The following PCCA variants were observed in gnomAD, a reference collection of about 807,000 sequenced individuals.
PCCA encodes propionyl-CoA carboxylase alpha chain, mitochondrial.
A neutral mutation model predicts 101.3 loss-of-function variants in PCCA; 74 were observed. The observed-to-expected ratio is 0.73, with a 90% CI of 0.61 to 0.89. The LOEUF (loss-of-function observed/expected upper bound fraction) is 0.89, where lower values mean the gene tolerates loss of function less well. PCCA is among the 40% of genes least tolerant of loss of function. The pLI, the probability that PCCA is intolerant of heterozygous loss-of-function variation, is 0.00. For missense variants in PCCA, 891 were observed against 907.0 expected (o/e 0.98, Z 0.23); for synonymous variants, 294 against 313.6 (o/e 0.94, Z 0.66).
intron 18 of PCCA, among the ~76,000 whole-genome samples, chr13:100,344,702 T>G (rs933940900): frequency 6.6e-6 from 1 of 152,220 alleles, no homozygotes; most frequent in African/African-American, 2.4e-5. Context: ...TTAGAGACTG[T>G]CATACAGGCA....
intron 14 of PCCA, among the ~76,000 whole-genome samples, chr13:100,306,446 A>T (rs1337135980): frequency 6.6e-6 from 1 of 152,210 alleles, no homozygotes; most frequent in African/African-American, 2.4e-5. Flanking sequence ...GTAACTGCTC[A>T]TTTTTAAAGT....
intron 18 of PCCA, among the ~76,000 whole-genome samples, chr13:100,346,212 A>G (rs1329946229): frequency 6.6e-6 from 1 of 152,214 alleles, no homozygotes; most frequent in Non-Finnish European, 1.5e-5. Flanking sequence ...CCTATGATGG[A>G]TCTGGACAAA....
At chr13:100,523,967 C>T (rs994036030) in intron 22 of PCCA, among the ~76,000 whole-genome samples, 2 of 152,230 alleles carry the variant, frequency 1.3e-5, no homozygotes, top group Non-Finnish European at 2.9e-5. Context: ...GGTGGAGGGC[C>T]CTCTCTGTGC....
intron 7 of PCCA, among the ~76,000 whole-genome samples, chr13:100,232,391 T>TGTGG (rs1490661189): frequency 1.0e-4 from 15 of 148,968 alleles, no homozygotes; most frequent in African/African-American, 3.8e-4. Context: ...TGTGTGTGTG[T>TGTGG]GGTTTTAGAG....
chr13:100,400,630 C>CTTTTTTTTTTTTTTTTTTTTTTTTTTTTT (rs1281449669), intron 19 of PCCA, among the ~76,000 whole-genome samples: 10 of 90,968 alleles, frequency 1.1e-4, no homozygotes, highest in African/African-American at 2.1e-4. Flanking sequence ...CTTTTTAGTT[C>CTTTTTTTTTTTTTTTTTTTTTTTTTTTTT]TTTTTTTTTT....
At position 100,366,758 on chromosome 13, in the gene PCCA, C is replaced by T. The variant is rs532459949; in HGVS notation, c.1644-1714C>T. Among the ~76,000 whole-genome samples, 24 of 152,222 alleles carry T rather than the reference C, an allele frequency of 1.6e-4. No homozygotes were observed. In the East Asian group the frequency reaches 4.6e-3, roughly 29 times the overall value. On this transcript the variant is annotated intron_variant, in intron 18 of 23. Transcript: ENST00000376285. ...ACACTGCCAGAAAGAATCGTCAAGG[C>T]CTGTGTGTACAGTGTGCATTATTGT...
At chr13:100,185,332 C>G (rs1209192483) in intron 6 of PCCA, among the ~76,000 whole-genome samples, 2 of 151,718 alleles carry the variant, frequency 1.3e-5, no homozygotes, top group African/African-American at 4.8e-5. Context: ...CTCTTTTTAT[C>G]TTTTCTTTCT....
intron 2 of PCCA, 130 bp downstream of exon 2, chr13:100,103,090 T>C: frequency 2.9e-6 from 2 of 685,794 alleles, no homozygotes; most frequent in Admixed American, 2.1e-5. Flanking sequence ...CACTCTAGCA[T>C]TGTGTGTTTC....
At chr13:100,474,847 G>C (rs1421645676) in intron 21 of PCCA, among the ~76,000 whole-genome samples, 1 of 152,106 alleles carries the variant, frequency 6.6e-6, no homozygotes, top group Non-Finnish European at 1.5e-5. Context: ...TCAAATATCT[G>C]CCTCTAAGGA....
intron 18 of PCCA, among the ~76,000 whole-genome samples, chr13:100,344,337 G>T (rs1420992676): frequency 6.6e-6 from 1 of 152,170 alleles, no homozygotes; most frequent in African/African-American, 2.4e-5. Flanking sequence ...GCTTTGAAAA[G>T]AAAATATGAG....
chr13:100,369,196 C>T (rs1266974908), intron 19 of PCCA, among the ~76,000 whole-genome samples: 1 of 152,034 alleles, frequency 6.6e-6, no homozygotes, highest in Admixed American at 6.6e-5. Flanking sequence ...TGTTTTAAGT[C>T]GTATGCCTTC....
intron 6 of PCCA, among the ~76,000 whole-genome samples, chr13:100,188,887 C>CTT (rs1277668876): frequency 1.4e-5 from 2 of 147,590 alleles, no homozygotes; most frequent in Admixed American, 6.8e-5. Flanking sequence ...CCTTAGCCCA[C>CTT]TTTTTTTTTT....
Position 100,094,353 on chromosome 13 carries a change from T to C in PCCA, c.105+5128T>C, listed in dbSNP as rs147960123. Among the ~76,000 whole-genome samples the C allele has an allele frequency of 4.4e-3, 669 of 152,228 alleles. 5 individuals are homozygous for C. The highest frequency in any genetic ancestry group is 0.015 in the African/African-American group (639 of 41,530). On this transcript the variant is annotated intron_variant, in intron 1 of 23. Coordinates refer to ENST00000376285, the MANE Select transcript of PCCA (RefSeq NM_000282.4). Reference sequence around the variant, plus strand: ...AAAAATACTGCTTTTGACAACACTCTTGAATAGTTGAAGCAAAATTATATT... The same window carrying C: ...AAAAATACTGCTTTTGACAACACTCCTGAATAGTTGAAGCAAAATTATATT...
At chr13:100,217,038 G>A (rs1352833933) in intron 7 of PCCA, among the ~76,000 whole-genome samples, 3 of 152,054 alleles carry the variant, frequency 2.0e-5, no homozygotes, top group Admixed American at 6.6e-5. Flanking sequence ...GAACCTGGGA[G>A]GTGGAGGTTG....
chr13:100,491,260 T>C (rs2084886316), intron 21 of PCCA: 1 of 169,874 alleles, frequency 5.9e-6, no homozygotes, highest in Non-Finnish European at 1.3e-5. Context: ...AACAGAACCA[T>C]TAAATGCCAT....
At chr13:100,417,001 G>A (rs141219607) in intron 19 of PCCA, among the ~76,000 whole-genome samples, 24 of 151,428 alleles carry the variant, frequency 1.6e-4, no homozygotes, top group African/African-American at 5.1e-4. Flanking sequence ...GTGCCACCAC[G>A]CCTGGCTAAT....
chr13:100,179,760 C>T (rs996246064), intron 6 of PCCA, among the ~76,000 whole-genome samples: 9 of 150,132 alleles, frequency 6.0e-5, no homozygotes, highest in South Asian at 4.2e-4. Context: ...TGTGTGTGTA[C>T]GTGTGTGTGT....
chr13:100,373,224 C>T lies in PCCA; in HGVS notation c.1746+4650C>T, dbSNP rs374701364. Among the ~76,000 whole-genome samples, 159 of 152,184 alleles carry T rather than the reference C, an allele frequency of 1.0e-3. 4 individuals are homozygous for T. The South Asian group carries it at 0.03, about 29-fold the overall frequency. ...AATCATTAGAGAAATCCAAATCAAACCTGCAGTGAGATACTACCTCCCACC... is the reference window on the plus strand; with the variant it reads ...AATCATTAGAGAAATCCAAATCAAATCTGCAGTGAGATACTACCTCCCACC... On this transcript the variant is annotated intron_variant, in intron 19 of 23. Transcript: ENST00000376285.
intron 12 of PCCA, among the ~76,000 whole-genome samples, chr13:100,294,085 G>A (rs759522055): frequency 2.0e-5 from 3 of 152,178 alleles, no homozygotes; most frequent in Admixed American, 6.5e-5. Context: ...GGGGCCAACA[G>A]GGTCAGTTTC....
Sources: allele counts gnomAD v4.1 joint callset (sites outside exome capture counted in the v4.1 genomes callset), GRCh38; gene constraint gnomAD v4.1.1; transcripts MANE v1.5; gene names NCBI Gene and HGNC (gene_info 2026-07-23, HGNC 2026-07-21).